The following CNTNAP2 variants were observed in gnomAD, a reference collection of about 807,000 sequenced individuals.
CNTNAP2 encodes the protein contactin-associated protein-like 2.
In CNTNAP2, 98 loss-of-function variants were observed where a neutral mutation model predicts 155.2. The ratio of observed to expected loss-of-function variants is 0.63; its 90% confidence interval spans 0.54 to 0.75. The LOEUF (loss-of-function observed/expected upper bound fraction) is 0.75. Among genes scored for constraint, CNTNAP2 ranks in the 30% least tolerant of loss-of-function variants. CNTNAP2 has a pLI of 0.00. For missense variants in CNTNAP2, 1,727 were observed against 1,688.1 expected (o/e 1.02, Z -0.40); for synonymous variants, 651 against 631.2 (o/e 1.03, Z -0.47).
chr7:147,436,077 C>A (rs1797543635), intron 10 of CNTNAP2, among the ~76,000 whole-genome samples: 1 of 152,112 alleles, frequency 6.6e-6, no homozygotes, highest in Non-Finnish European at 1.5e-5. Flanking sequence ...AGTCATGGGG[C>A]CCTCTCCAGC....
chr7:146,314,153 G>A (rs1008285840), intron 1 of CNTNAP2, among the ~76,000 whole-genome samples: 5 of 152,106 alleles, frequency 3.3e-5, no homozygotes, highest in Admixed American at 2.6e-4. Context: ...TGTCACCTTT[G>A]AAAGAAATCA....
chr7:147,770,291 T>C (rs1034369864), intron 13 of CNTNAP2, among the ~76,000 whole-genome samples: 2 of 152,220 alleles, frequency 1.3e-5, no homozygotes, highest in African/African-American at 2.4e-5. Context: ...TAAAATTATT[T>C]CCTTGCCTAA....
At chr7:146,559,375 C>T (rs1228715476) in intron 1 of CNTNAP2, among the ~76,000 whole-genome samples, 1 of 152,022 alleles carries the variant, frequency 6.6e-6, no homozygotes, top group Admixed American at 6.6e-5. Flanking sequence ...AGAGACTATC[C>T]TGGCTAACGT....
At chr7:146,943,589 C>T (rs1379855405) in intron 3 of CNTNAP2, among the ~76,000 whole-genome samples, 4 of 152,188 alleles carry the variant, frequency 2.6e-5, no homozygotes, top group African/African-American at 9.7e-5. Context: ...CATCTGTTTA[C>T]AAGGTGAATT....
chr7:147,469,605 G>A (rs900229303), intron 10 of CNTNAP2, among the ~76,000 whole-genome samples: 5 of 143,612 alleles, frequency 3.5e-5, no homozygotes, highest in East Asian at 4.3e-4. Flanking sequence ...TGCAAGCTCC[G>A]CCTCCCGGGT....
chr7:147,724,242 C>G (rs935200999), intron 13 of CNTNAP2, among the ~76,000 whole-genome samples: 9 of 152,148 alleles, frequency 5.9e-5, no homozygotes, highest in African/African-American at 1.7e-4. Context: ...ATACACCAAT[C>G]TGATGCTCAT....
At chr7:146,384,172 G>C (rs1479799655) in intron 1 of CNTNAP2, among the ~76,000 whole-genome samples, 1 of 152,142 alleles carries the variant, frequency 6.6e-6, no homozygotes, top group Non-Finnish European at 1.5e-5. Context: ...GAAAGTAAAA[G>C]TAAAATAATG....
intron 10 of CNTNAP2, among the ~76,000 whole-genome samples, chr7:147,427,289 C>A (rs549801153): frequency 1.3e-5 from 2 of 152,194 alleles, no homozygotes; most frequent in East Asian, 3.9e-4. Context: ...GATTAAGTTT[C>A]AACATGAATT....
chr7:148,301,697 G>T (rs1379868469), intron 21 of CNTNAP2, among the ~76,000 whole-genome samples: 1 of 152,204 alleles, frequency 6.6e-6, no homozygotes, highest in Non-Finnish European at 1.5e-5. Flanking sequence ...ACTTCAAGAA[G>T]TATGTAGCTC....
At chr7:146,736,230 C>G (rs908360309) in intron 1 of CNTNAP2, among the ~76,000 whole-genome samples, 1 of 152,080 alleles carries the variant, frequency 6.6e-6, no homozygotes, top group East Asian at 1.9e-4. Context: ...CCTGGAGTTT[C>G]ATATGGAGCA....
chr7:146,117,456 G>A (rs542868342), intron 1 of CNTNAP2, among the ~76,000 whole-genome samples: 9 of 152,094 alleles, frequency 5.9e-5, no homozygotes, highest in African/African-American at 1.9e-4. Flanking sequence ...AACCTCTCCC[G>A]TTCCCTTAAA....
At chr7:146,785,066 G>T (rs2129187851) in intron 2 of CNTNAP2, among the ~76,000 whole-genome samples, 1 of 150,618 alleles carries the variant, frequency 6.6e-6, no homozygotes, top group Admixed American at 6.6e-5. Context: ...ACATCCTTGT[G>T]CTCAGGTGAT....
At chr7:148,212,519 A>G (rs1362987977) in intron 18 of CNTNAP2, among the ~76,000 whole-genome samples, 5 of 152,200 alleles carry the variant, frequency 3.3e-5, no homozygotes, top group South Asian at 4.1e-4. Flanking sequence ...AGCATTATCT[A>G]TAGTAGTATT....
At chr7:148,207,307 G>C (rs1795466912) in intron 18 of CNTNAP2, among the ~76,000 whole-genome samples, 1 of 152,184 alleles carries the variant, frequency 6.6e-6, no homozygotes, top group Admixed American at 6.5e-5. Context: ...GCAGGAGAGG[G>C]AAATGGGAAC....
intron 13 of CNTNAP2, among the ~76,000 whole-genome samples, chr7:147,651,372 A>G (rs1795447611): frequency 6.6e-6 from 1 of 152,244 alleles, no homozygotes; most frequent in South Asian, 2.1e-4. Context: ...CTGTAATTAC[A>G]TTTACAAAAT....
At chr7:147,320,698 C>G (rs1795335172) in intron 9 of CNTNAP2, among the ~76,000 whole-genome samples, 1 of 152,166 alleles carries the variant, frequency 6.6e-6, no homozygotes, top group Admixed American at 6.5e-5. Flanking sequence ...ATAGCCATTG[C>G]TGGTCCATAG....
chr7:146,463,658 CA>C (rs1796672333), intron 1 of CNTNAP2, among the ~76,000 whole-genome samples: 1 of 151,792 alleles, frequency 6.6e-6, no homozygotes, highest in African/African-American at 2.4e-5. Context: ...TATACACATA[CA>C]TATGTGCATG....
intron 14 of CNTNAP2, among the ~76,000 whole-genome samples, chr7:147,914,502 T>C (rs907157056): frequency 6.8e-6 from 1 of 147,132 alleles, no homozygotes; most frequent in South Asian, 2.2e-4. Context: ...ATCGCATCAC[T>C]GCATTCCAGC....
chr7:146,609,437 T>A (rs1445880622), intron 1 of CNTNAP2, among the ~76,000 whole-genome samples: 1 of 152,260 alleles, frequency 6.6e-6, no homozygotes, highest in Non-Finnish European at 1.5e-5. Context: ...ACCCCAATAC[T>A]GCACTGTTAT....
Sources: allele counts gnomAD v4.1 joint callset (sites outside exome capture counted in the v4.1 genomes callset), GRCh38; gene constraint gnomAD v4.1.1; transcripts MANE v1.5; gene names NCBI Gene and HGNC (gene_info 2026-07-23, HGNC 2026-07-21).